Variants in PAH observed in about 807,000 individuals in gnomAD.
PAH encodes the protein phenylalanine hydroxylase.
A neutral mutation model predicts 62.0 loss-of-function variants in PAH; 64 were observed. The observed-to-expected ratio is 1.03, with a 90% CI of 0.84 to 1.27. The LOEUF (loss-of-function observed/expected upper bound fraction) is 1.27. Ranked by LOEUF, PAH falls within the 50% of genes most tolerant of loss-of-function variation. The pLI is 0.00. For synonymous variants in PAH, 195 were observed against 196.2 expected, an observed-to-expected ratio of 0.99 and a Z score of 0.05; for missense variants, 579 against 542.8, an observed-to-expected ratio of 1.07 and a Z score of -0.66.
Position 102,908,221 on chromosome 12 carries a change from G to GACAC in PAH, c.168+4566_168+4569dup, listed in dbSNP as rs150345639. ...CCTCCCTACCACCCCCTGCAGCCCC[G>GACAC]ACACACACACACACACACACACACA... On this transcript the variant is annotated intron_variant, in intron 2 of 12. Transcript: ENST00000553106. Among the ~76,000 whole-genome samples the GACAC allele has an allele frequency of 2.8e-3, 401 of 141,796 alleles. 1 individual carries two copies. Among genetic ancestry groups the GACAC allele is most frequent in the African/African-American group, 7.1e-3 (275 of 38,724 alleles). The allele number at this position is 141,796 out of a possible 152,430, so 93.0% of individuals were successfully genotyped here. A position where few individuals can be genotyped will look rare whatever the true frequency, so the allele number is the denominator to read the frequency against.
intron 1 of PAH, among the ~76,000 whole-genome samples, chr12:102,936,558 A>G (rs537696764): frequency 6.6e-6 from 1 of 152,056 alleles, no homozygotes; most frequent in South Asian, 2.1e-4. Context: ...ATATCTGGGT[A>G]CTCCATCATT....
intron 4 of PAH, chr12:102,877,199 T>C (rs986471607): frequency 2.0e-6 from 1 of 501,682 alleles, no homozygotes; most frequent in Non-Finnish European, 3.6e-6. Flanking sequence ...GTGTGTGTGT[T>C]TGTGCATACA....
chr12:102,875,311 G>A (rs1017614633), intron 4 of PAH, among the ~76,000 whole-genome samples: 7 of 152,176 alleles, frequency 4.6e-5, no homozygotes, highest in South Asian at 2.1e-4. Flanking sequence ...GAGGATACAG[G>A]GAGAAAAATG....
At chr12:102,850,536 T>A (rs1875097055) in intron 8 of PAH, among the ~76,000 whole-genome samples, 1 of 152,186 alleles carries the variant, frequency 6.6e-6, no homozygotes, top group Non-Finnish European at 1.5e-5. Flanking sequence ...CATAGGTCAT[T>A]CCATTTGATT....
At chr12:102,951,192 C>T (rs1007906815), upstream of PAH, among the ~76,000 whole-genome samples, 3 of 152,174 alleles carry the variant, frequency 2.0e-5, no homozygotes, top group African/African-American at 7.2e-5. Context: ...TTTATTATGC[C>T]GTCACGGGGC....
chr12:102,885,608 C>T (rs1265802754), intron 3 of PAH, among the ~76,000 whole-genome samples: 1 of 152,176 alleles, frequency 6.6e-6, no homozygotes, highest in Non-Finnish European at 1.5e-5. Context: ...GTAGTGGTCC[C>T]ATTAAGTCGG....
intron 1 of PAH, among the ~76,000 whole-genome samples, chr12:102,913,103 G>A (rs1013405298): frequency 1.3e-5 from 2 of 152,142 alleles, no homozygotes. Context: ...TGATGCTACT[G>A]GGTCAGTTAT....
At chr12:102,867,944 TATATAC>T (rs1383299781) in intron 4 of PAH, among the ~76,000 whole-genome samples, 9 of 118,800 alleles carry the variant, frequency 7.6e-5, no homozygotes, top group African/African-American at 1.5e-4. Flanking sequence ...TATATACATG[TATATAC>T]ATATATAGAT....
chr12:102,915,643 A>C (rs749575777), intron 1 of PAH, among the ~76,000 whole-genome samples: 1 of 152,108 alleles, frequency 6.6e-6, no homozygotes, highest in Non-Finnish European at 1.5e-5. Flanking sequence ...GTGTTTCTCA[A>C]TGAGTGTTCC....
In PAH at chr12:102,851,763, G is replaced by A; in HGVS notation, c.843-7C>T. 1 of 1,613,472 alleles carries A rather than the reference G, an allele frequency of 6.2e-7. No individual in the cohort carries two copies. The highest frequency in any genetic ancestry group is 8.5e-7 in the Non-Finnish European group (1 of 1,179,442). On this transcript the variant is annotated splice_polypyrimidine_tract_variant and splice_region_variant and intron_variant, in intron 7 of 12. Transcript: ENST00000553106. ...CAGCTCATGGCAGATGTCACTGAAA[G>A]ACAGAAAGCACAGAGAGCTCGGAGG...
At chr12:102,858,753 T>C (rs866994567) in intron 5 of PAH, among the ~76,000 whole-genome samples, 1 of 152,206 alleles carries the variant, frequency 6.6e-6, no homozygotes, top group African/African-American at 2.4e-5. Context: ...AAGGCAGAGA[T>C]AAAGACGTTC....
At chr12:102,891,566 T>A (rs1228230068) in intron 3 of PAH, among the ~76,000 whole-genome samples, 1 of 152,194 alleles carries the variant, frequency 6.6e-6, no homozygotes, top group Non-Finnish European at 1.5e-5. Flanking sequence ...TAATTAAACA[T>A]GCTCTGCTCT....
chr12:102,949,482 A>AT (rs1435527584), intron 1 of PAH, among the ~76,000 whole-genome samples: 1 of 152,212 alleles, frequency 6.6e-6, no homozygotes, highest in Non-Finnish European at 1.5e-5. Flanking sequence ...CAACCCTCTC[A>AT]TTTTATAGAG....
chr12:102,881,392 CA>C (rs1177733423), intron 3 of PAH, among the ~76,000 whole-genome samples: 2 of 151,974 alleles, frequency 1.3e-5, no homozygotes, highest in African/African-American at 4.8e-5. Context: ...TAAATGCATA[CA>C]TCATGGTTAC....
chr12:102,901,968 T>C (rs1308010785), intron 2 of PAH, among the ~76,000 whole-genome samples: 1 of 152,210 alleles, frequency 6.6e-6, no homozygotes, highest in Non-Finnish European at 1.5e-5. Flanking sequence ...ACAGTAGTTA[T>C]GGTAAATAAG....
intron 1 of PAH, among the ~76,000 whole-genome samples, chr12:102,946,303 G>C (rs1321844004): frequency 6.6e-6 from 1 of 152,236 alleles, no homozygotes; most frequent in Admixed American, 6.5e-5. Context: ...AAGTCCACTG[G>C]CTCTGAGCCC....
chr12:102,925,802 C>A (rs749415076), intron 1 of PAH, among the ~76,000 whole-genome samples: 3 of 152,030 alleles, frequency 2.0e-5, no homozygotes, highest in African/African-American at 2.4e-5. Context: ...TTCAGGCAGG[C>A]TATTCCAGGA....
At chr12:102,870,292 G>T (rs1876250238) in intron 4 of PAH, among the ~76,000 whole-genome samples, 1 of 152,220 alleles carries the variant, frequency 6.6e-6, no homozygotes, top group African/African-American at 2.4e-5. Flanking sequence ...TGAGAACACA[G>T]GTTTTAAAGT....
chr12:102,913,661 C>T (rs1878284050), intron 1 of PAH: 2 of 553,914 alleles, frequency 3.6e-6, no homozygotes, highest in Non-Finnish European at 3.2e-6. Flanking sequence ...GAAGCATTAA[C>T]TTGCTCCCAT....
Sources: allele counts gnomAD v4.1 joint callset (sites outside exome capture counted in the v4.1 genomes callset), GRCh38; gene constraint gnomAD v4.1.1; transcripts MANE v1.5; gene names NCBI Gene and HGNC (gene_info 2026-07-23, HGNC 2026-07-21).